The following SEMA3D variants were observed in gnomAD, a reference collection of about 807,000 sequenced individuals.
SEMA3D encodes semaphorin 3D.
In SEMA3D, 84 loss-of-function variants were observed where a neutral mutation model predicts 100.1. The ratio of observed to expected loss-of-function variants is 0.84; its 90% CI spans 0.70 to 1.01. The LOEUF (loss-of-function observed/expected upper bound fraction) is 1.01. Ranked by LOEUF, SEMA3D falls within the 50% of genes least tolerant of loss-of-function variation. SEMA3D has a pLI of 0.00. For synonymous variants in SEMA3D, 312 were observed against 320.7 expected, an observed-to-expected ratio of 0.97 and a Z score of 0.29; for missense variants, 875 against 934.1, an observed-to-expected ratio of 0.94 and a Z score of 0.82.
At chr7:85,200,732 A>G in the SEMA3D span, among the ~76,000 whole-genome samples, 2 of 152,338 alleles carry the variant, frequency 1.3e-5, no homozygotes, top group African/African-American at 4.8e-5. Context: ...AAATGTCTCC[A>G]GGGCATGATA....
chr7:85,050,763 A>G (rs1364925782), intron 9 of SEMA3D: 1 of 516,494 alleles, frequency 1.9e-6, no homozygotes, highest in African/African-American at 2.0e-5. Flanking sequence ...AAAGATAAAG[A>G]AAAATAATAA....
rs1328526652 is a variant in SEMA3D at position 85,036,017 on chromosome 7, A to T, written c.1191+872T>A. The stretch of plus-strand genomic sequence containing the variant: ...TTCTCCTTTAAGAATGAACATATGA[A>T]AAGATAATATTCAGTAAAACTTGAA... On this transcript the variant is annotated intron_variant, in intron 12 of 18. Coordinates refer to ENST00000284136, the MANE Select transcript of SEMA3D (RefSeq NM_001384900.1). Among the ~76,000 whole-genome samples, 2 of 152,100 alleles carry T rather than the reference A, an allele frequency of 1.3e-5. 1 individual carries two copies. The highest frequency in any genetic ancestry group is 2.9e-5 in the Non-Finnish European group (2 of 67,978).
the SEMA3D span, among the ~76,000 whole-genome samples, chr7:85,195,124 C>T: frequency 6.6e-6 from 1 of 152,036 alleles, no homozygotes; most frequent in Non-Finnish European, 1.5e-5. Context: ...AATACAAAGC[C>T]GCCTGCTAGG....
At chr7:85,106,255 C>G (rs1788916049) in intron 3 of SEMA3D, among the ~76,000 whole-genome samples, 1 of 152,104 alleles carries the variant, frequency 6.6e-6, no homozygotes, top group East Asian at 1.9e-4. Context: ...AGAATTTCTC[C>G]TTCTTCAAGT....
At chr7:85,142,843 C>T in intron 2 of SEMA3D, 6 of 984,974 alleles carry the variant, frequency 6.1e-6, no homozygotes, top group Non-Finnish European at 7.2e-6. Flanking sequence ...AAATACAACC[C>T]ATCTTATACT....
intron 17 of SEMA3D, among the ~76,000 whole-genome samples, chr7:85,008,547 T>G (rs572667048): frequency 2.6e-4 from 39 of 151,618 alleles, no homozygotes; most frequent in Admixed American, 6.6e-4. Context: ...ATACACACAC[T>G]ATCATACACA....
At chr7:85,242,849 A>C in the SEMA3D span, among the ~76,000 whole-genome samples, 1 of 152,198 alleles carries the variant, frequency 6.6e-6, no homozygotes, top group Non-Finnish European at 1.5e-5. Flanking sequence ...AAATTAAAAA[A>C]ATGAAACAAA....
At chr7:85,171,909 G>A (rs1791093128) in intron 1 of SEMA3D, among the ~76,000 whole-genome samples, 1 of 151,572 alleles carries the variant, frequency 6.6e-6, no homozygotes. Context: ...TTATCCTTAA[G>A]GACTCAGGGA....
intron 2 of SEMA3D, chr7:85,141,295 G>A (rs1313577375): frequency 2.0e-6 from 2 of 983,854 alleles, no homozygotes; most frequent in South Asian, 4.7e-5. Flanking sequence ...ACCTCTTCAG[G>A]AATTTTAACA....
intron 1 of SEMA3D, among the ~76,000 whole-genome samples, chr7:85,179,509 T>C (rs552840608): frequency 1.3e-5 from 2 of 152,332 alleles, no homozygotes; most frequent in South Asian, 4.1e-4. Flanking sequence ...GCCTGTAGCT[T>C]CTTCGTTTTG....
chr7:85,033,858 T>TACACACACACACAC (rs71082183), intron 12 of SEMA3D, among the ~76,000 whole-genome samples: 1,747 of 141,142 alleles, frequency 0.012, 32 homozygotes, highest in African/African-American at 0.034. Context: ...ATCACACACA[T>TACACACACACACAC]ACACACACAC....
rs1789580396 is a variant in SEMA3D, at chr7:84,999,162, A to C, written c.*278T>G. Reference sequence around the variant, plus strand: ...AGCTCAACTATTTACATGACAATAAATTCCAAAACTCAAAACATAAAACAT... The same window carrying C: ...AGCTCAACTATTTACATGACAATAACTTCCAAAACTCAAAACATAAAACAT... On this transcript the variant is annotated 3_prime_UTR_variant, in exon 19 of 19. Coordinates refer to ENST00000284136, the MANE Select transcript of SEMA3D (RefSeq NM_001384900.1). The C allele has an allele frequency of 2.3e-6, 1 of 428,180 alleles. No homozygotes were observed. The highest frequency in any genetic ancestry group is 3.9e-5 in the Admixed American group (1 of 25,464). The allele number at this position is 428,180 out of a possible 1,614,324, so 26.5% of individuals were successfully genotyped here.
At chr7:85,175,107 T>C (rs955102034) in intron 1 of SEMA3D, among the ~76,000 whole-genome samples, 1 of 152,204 alleles carries the variant, frequency 6.6e-6, no homozygotes, top group Non-Finnish European at 1.5e-5. Flanking sequence ...GATGGTTTTG[T>C]ACTGCTAAAT....
chr7:85,177,699 G>C (rs1290062910), intron 1 of SEMA3D, among the ~76,000 whole-genome samples: 1 of 152,090 alleles, frequency 6.6e-6, no homozygotes, highest in Non-Finnish European at 1.5e-5. Flanking sequence ...TAATTCAAAT[G>C]TGTTATTTTA....
intron 10 of SEMA3D, chr7:85,040,976 A>C (rs1790844773): frequency 3.5e-6 from 1 of 285,364 alleles, no homozygotes; most frequent in Non-Finnish European, 6.4e-6. Flanking sequence ...TTTCATAGAA[A>C]ATATAAACCA....
At chr7:85,177,110 A>G (rs1282959998) in intron 1 of SEMA3D, among the ~76,000 whole-genome samples, 1 of 152,160 alleles carries the variant, frequency 6.6e-6, no homozygotes, top group Non-Finnish European at 1.5e-5. Context: ...GCCTAACAAC[A>G]TATTCCTCAG....
intron 1 of SEMA3D, among the ~76,000 whole-genome samples, chr7:85,174,120 A>G (rs980592169): frequency 1.4e-4 from 21 of 152,278 alleles, no homozygotes; most frequent in Non-Finnish European, 2.6e-4. Context: ...CAGGTGAGGA[A>G]GAAGGTGATG....
chr7:85,155,664 T>C (rs1790573120), intron 1 of SEMA3D, among the ~76,000 whole-genome samples: 1 of 152,228 alleles, frequency 6.6e-6, no homozygotes, highest in Non-Finnish European at 1.5e-5. Context: ...CTTTTAGAGA[T>C]GTCATACATA....
At chr7:85,238,820 A>G in the SEMA3D span, among the ~76,000 whole-genome samples, 1 of 152,188 alleles carries the variant, frequency 6.6e-6, no homozygotes, top group Non-Finnish European at 1.5e-5. Context: ...CTTCCTGCAC[A>G]TGAATATAGA....
Sources: gnomAD v4.1 joint callset for allele counts (sites outside exome capture counted in the v4.1 genomes callset) on GRCh38, gnomAD v4.1.1 for gene constraint, MANE v1.5 for transcripts, NCBI Gene and HGNC (gene_info 2026-07-23, HGNC 2026-07-21) for gene names.